Variants in INPP5A observed in about 807,000 individuals in gnomAD.
The protein encoded by INPP5A is inositol polyphosphate-5-phosphatase A.
In INPP5A, 14 loss-of-function variants were observed where a neutral mutation model predicts 65.2. That is an observed-to-expected ratio of 0.21 (90% CI 0.14 to 0.34). INPP5A has a LOEUF of 0.34. Among genes scored for constraint, INPP5A ranks in the 10% least tolerant of loss-of-function variants. The pLI is 1.00. For synonymous variants in INPP5A, 207 were observed against 208.3 expected (o/e 0.99, Z 0.05); for missense variants, 431 against 545.6 (o/e 0.79, Z 2.09).
In INPP5A at chr10:132,549,895, G is replaced by T. The variant is rs886233685; in HGVS notation, c.75+11724G>T. ...TATTAACCAGGCATTAGGGGATGGG[G>T]TCAGCCTCGAGTTACTAACCGGGCA... On this transcript the variant is annotated intron_variant, in intron 1 of 15. Coordinates refer to ENST00000368594, the MANE Select transcript of INPP5A (RefSeq NM_005539.5). The surrounding 1 kb of genome is among the most constrained non-coding windows in gnomAD (Gnocchi z 4.9). Among the ~76,000 whole-genome samples the T allele has an allele frequency of 1.3e-5, 2 of 151,630 alleles. No homozygotes were observed. Among genetic ancestry groups the T allele is most frequent in the African/African-American group, 4.9e-5 (2 of 41,230 alleles).
chr10:132,776,269 C>T (rs561496888), intron 12 of INPP5A, among the ~76,000 whole-genome samples: 17 of 152,314 alleles, frequency 1.1e-4, no homozygotes, highest in African/African-American at 3.4e-4. Context: ...TGCCCAAGGC[C>T]GGGTGGCAGC....
At chr10:132,720,335 G>A (rs10870324) in intron 8 of INPP5A, among the ~76,000 whole-genome samples, 15,264 of 134,054 alleles carry the variant, frequency 0.11, 986 homozygotes, top group East Asian at 0.22. Flanking sequence ...TTCTGGAGGC[G>A]CCTTAGACAG....
At chr10:132,770,815 C>A (rs1283156312) in intron 12 of INPP5A, among the ~76,000 whole-genome samples, 1 of 152,228 alleles carries the variant, frequency 6.6e-6, no homozygotes, top group African/African-American at 2.4e-5. Flanking sequence ...CCCGGGAAAT[C>A]CCAGCCACCC....
Position 132,676,667 on chromosome 10 carries a change from C to T in INPP5A, c.307-13725C>T, listed in dbSNP as rs2072968407. 6.6e-6 allele frequency among the ~76,000 whole-genome samples: 1 copy of T among 152,172 alleles called. No individual in the cohort carries two copies. Among genetic ancestry groups the T allele is most frequent in the Non-Finnish European group, 1.5e-5 (1 of 68,016 alleles). On this transcript the variant is annotated intron_variant, in intron 4 of 15. Coordinates refer to ENST00000368594, the MANE Select transcript of INPP5A (RefSeq NM_005539.5). The surrounding 1 kb of genome is among the most constrained non-coding windows in gnomAD (Gnocchi z 4.0). Reference sequence around the variant, plus strand: ...CCCCTGATGAGATGGCAGCCCTGGGCACCTGTGGCTGCTCCCTCCTCCTGA... The same window carrying T: ...CCCCTGATGAGATGGCAGCCCTGGGTACCTGTGGCTGCTCCCTCCTCCTGA...
In INPP5A at chr10:132,688,655, AAG is replaced by A. The variant is rs377099544; in HGVS notation, c.307-1736_307-1735del. Among the ~76,000 whole-genome samples the A allele has an allele frequency of 2.1e-3, 317 of 148,054 alleles. 4 individuals carry two copies. Among genetic ancestry groups the A allele is most frequent in the African/African-American group, 6.6e-3 (259 of 39,366 alleles). ...CGTGCGTGTGCATGAGTGTGTGTGC[AAG>A]TGAGTGTGAACAAGTGTGTGCGTGT... is the stretch of plus-strand genomic sequence containing the variant. On this transcript the variant is annotated intron_variant, in intron 4 of 15. Transcript: ENST00000368594.
At chr10:132,599,652 C>T (rs528443326) in intron 1 of INPP5A, among the ~76,000 whole-genome samples, 74 of 152,368 alleles carry the variant, frequency 4.9e-4, no homozygotes, top group African/African-American at 1.8e-3. Context: ...TGTGTGGGGG[C>T]TCTGACCCCA....
intron 8 of INPP5A, among the ~76,000 whole-genome samples, chr10:132,717,223 C>T (rs570398654): frequency 9.8e-5 from 15 of 152,368 alleles, no homozygotes; most frequent in South Asian, 2.1e-4. Flanking sequence ...GGACACCCTT[C>T]CTCTTGCATC....
In INPP5A at chr10:132,631,992, G is replaced by A. The variant is rs899471295; in HGVS notation, c.118-13876G>A. On this transcript the variant is annotated intron_variant, in intron 2 of 15. Coordinates refer to ENST00000368594, the MANE Select transcript of INPP5A (RefSeq NM_005539.5). ...TGCCAGTGTCATTGTCACTCAGGGCGTGAAGTGCTGAGCAGAAGCTCAGAC... is the reference window on the plus strand; with the variant it reads ...TGCCAGTGTCATTGTCACTCAGGGCATGAAGTGCTGAGCAGAAGCTCAGAC... 7.2e-5 allele frequency among the ~76,000 whole-genome samples: 11 copies of A among 152,208 alleles called. 1 individual carries two copies. Among genetic ancestry groups the A allele is most frequent in the Admixed American group, 4.6e-4 (7 of 15,292 alleles).
chr10:132,765,741 TGA>T (rs1480015368), intron 11 of INPP5A, 30 bp from the exon 12 acceptor site: 2 of 1,423,300 alleles, frequency 1.4e-6, no homozygotes, highest in South Asian at 2.3e-5. Flanking sequence ...AAAACCAATG[TGA>T]CTTTATTTTC....
rs931709327 is a variant in INPP5A at position 132,547,208 on chromosome 10, G to A, written c.75+9037G>A. ...CACCTGTCAGCCTGTCTGTGCCCAG[G>A]GAGTAGGAATCCCACCTTGCATGGT... On this transcript the variant is annotated intron_variant, in intron 1 of 15. Transcript: ENST00000368594. The surrounding 1 kb of genome is among the most constrained non-coding windows in gnomAD (Gnocchi z 5.5). Among the ~76,000 whole-genome samples, 1 of 152,252 alleles carries A rather than the reference G, an allele frequency of 6.6e-6. No homozygotes were observed. The highest frequency in any genetic ancestry group is 1.5e-5 in the Non-Finnish European group (1 of 68,038).
Position 132,749,563 on chromosome 10 carries a change from C to A in INPP5A, c.779C>A (p.Thr260Asn). ...ATMQTVRAAD[T>N]NEVVKLIFRE... ...ATGCAGACGGTCCGGGCCGCCGACA[C>A]CAATGAAGTGGTGAAGCTCATATTT... The change falls in exon 10 of 16, where the codon ACC (threonine) becomes AAC (asparagine). Residue 260 changes from threonine (T) to asparagine (N), a missense_variant. Coordinates refer to ENST00000368594, the MANE Select transcript of INPP5A (RefSeq NM_005539.5). 1 of 1,613,036 alleles carries A rather than the reference C, an allele frequency of 6.2e-7. No homozygotes were observed. Among genetic ancestry groups the A allele is most frequent in the Non-Finnish European group, 8.5e-7 (1 of 1,180,018 alleles).
chr10:132,662,457 G>A (rs756685394), intron 4 of INPP5A, among the ~76,000 whole-genome samples: 5 of 152,162 alleles, frequency 3.3e-5, no homozygotes, highest in Admixed American at 1.3e-4. Flanking sequence ...GTCAGCTGTC[G>A]CAGTAATTAT....
intron 11 of INPP5A, among the ~76,000 whole-genome samples, chr10:132,750,991 A>G (rs556145962): frequency 6.6e-6 from 1 of 152,202 alleles, no homozygotes; most frequent in Non-Finnish European, 1.5e-5. Flanking sequence ...GGGTGAGTGC[A>G]TGCAAAGTGC....
chr10:132,568,997 C>T (rs534657275), intron 1 of INPP5A, among the ~76,000 whole-genome samples: 1 of 149,096 alleles, frequency 6.7e-6, no homozygotes, highest in South Asian at 2.2e-4. Context: ...CTCACCACAA[C>T]CTCCGCCTCT....
chr10:132,602,370 A>G (rs892052633), intron 1 of INPP5A, among the ~76,000 whole-genome samples: 1 of 152,158 alleles, frequency 6.6e-6, no homozygotes, highest in Non-Finnish European at 1.5e-5. Flanking sequence ...GTCTCGGCTC[A>G]CTGCAACCTC....
chr10:132,658,092 G>A (rs2072683647), intron 4 of INPP5A, among the ~76,000 whole-genome samples: 1 of 152,262 alleles, frequency 6.6e-6, no homozygotes, highest in Non-Finnish European at 1.5e-5. Context: ...CTGCTGTGAT[G>A]TGAAAAATAA....
chr10:132,730,511 T>C (rs1385314498), intron 9 of INPP5A, among the ~76,000 whole-genome samples: 2 of 152,208 alleles, frequency 1.3e-5, no homozygotes, highest in African/African-American at 4.8e-5. Flanking sequence ...CTCAGCTCTG[T>C]GGAGAGGTGT....
rs1023707004 is a variant in INPP5A at position 132,749,238 on chromosome 10, G to A, written c.733-279G>A. Among the ~76,000 whole-genome samples the A allele has an allele frequency of 2.6e-5, 4 of 152,064 alleles. No individual in the cohort carries two copies. In the South Asian group the frequency reaches 6.2e-4, roughly 24 times the overall value. On this transcript the variant is annotated intron_variant, in intron 9 of 15. Coordinates refer to ENST00000368594, the MANE Select transcript of INPP5A (RefSeq NM_005539.5). ...TTCCGAGCCTGCTGGTGTCGCACTG[G>A]CTTTTGCCCCAAAGCAGCTCTGTGG... is the stretch of plus-strand genomic sequence containing the variant.
chr10:132,622,423 A>G (rs1331345557), intron 2 of INPP5A, among the ~76,000 whole-genome samples: 1 of 518 alleles, frequency 1.9e-3, no homozygotes, highest in Admixed American at 0.017. Context: ...AACTTGAGAA[A>G]TATACCGCGT....
Sources: allele counts gnomAD v4.1 joint callset (sites outside exome capture counted in the v4.1 genomes callset), GRCh38; gene constraint gnomAD v4.1.1; non-coding constraint Gnocchi (gnomAD v3.1); transcripts MANE v1.5; gene names NCBI Gene and HGNC (gene_info 2026-07-23, HGNC 2026-07-21).